Variants in B4GALNT2 observed in about 807,000 individuals in gnomAD.
The protein encoded by B4GALNT2 is beta-1,4-N-acetyl-galactosaminyltransferase 2 (SID blood group).
In B4GALNT2, 42 loss-of-function variants were observed where a neutral mutation model predicts 51.1. The observed-to-expected ratio is 0.82, with a 90% CI of 0.64 to 1.06. The LOEUF (loss-of-function observed/expected upper bound fraction) is 1.06, where lower values mean the gene tolerates loss of function less well. B4GALNT2 is among the 50% of genes least tolerant of loss of function. The pLI is 0.00. For missense variants in B4GALNT2, 602 were observed against 633.6 expected (o/e 0.95, Z 0.54); for synonymous variants, 253 against 251.7 (o/e 1.01, Z -0.05).
chr17:49,168,376 A>C (rs2042929387), intron 9 of B4GALNT2, among the ~76,000 whole-genome samples: 1 of 152,122 alleles, frequency 6.6e-6, no homozygotes, highest in African/African-American at 2.4e-5. Flanking sequence ...CTCCTCTCCC[A>C]GTGGAAGGGA....
chr17:49,132,956 C>G, intron 1 of B4GALNT2, 150 bp downstream of exon 1: 3 of 1,402,428 alleles, frequency 2.1e-6, no homozygotes, highest in Non-Finnish European at 1.9e-6. Context: ...TAAGTCCAAC[C>G]GGTTCCCCGC....
the B4GALNT2 span, among the ~76,000 whole-genome samples, chr17:49,121,047 CT>C: frequency 1.3e-5 from 2 of 152,136 alleles, no homozygotes; most frequent in Non-Finnish European, 2.9e-5. Context: ...GAGCTGACCC[CT>C]CATCTTTTTC....
Position 49,135,500 on chromosome 17 carries a change from C to T in B4GALNT2, c.14+2694C>T, listed in dbSNP as rs112783181. On this transcript the variant is annotated intron_variant, in intron 1 of 10. Transcript: ENST00000393354. ...GTCTTGATCTCCTGATCTCATGATC[C>T]ACCCGCCTCGGCCTCCCAAAGTGCT... Among the ~76,000 whole-genome samples the T allele has an allele frequency of 2.4e-3, 372 of 152,066 alleles. 7 individuals carry two copies. The highest frequency in any genetic ancestry group is 8.2e-3 in the African/African-American group (341 of 41,492).
At chr17:49,134,308 G>T (rs1244068294) in intron 1 of B4GALNT2, among the ~76,000 whole-genome samples, 3 of 152,240 alleles carry the variant, frequency 2.0e-5, no homozygotes, top group Non-Finnish European at 4.4e-5. Flanking sequence ...ATAGTGATAA[G>T]ATCAGGATAA....
At position 49,169,566 on chromosome 17, in the gene B4GALNT2, C is replaced by T. The variant is rs759140156; in HGVS notation, c.1359C>T (p.Cys453=). 6 of 1,612,512 alleles carry T rather than the reference C, an allele frequency of 3.7e-6. No homozygotes were observed. The highest frequency in any genetic ancestry group is 1.3e-5 in the African/African-American group (1 of 74,860). The part of the protein sequence containing the change: ...DGLGTLLVGS[C]PEVIIGHQSR... The stretch of plus-strand genomic sequence containing the variant: ...TAGGGACCCTACTCGTGGGGTCATG[C>T]CCAGAAGTGATTATAGGTCACCAGT... The change falls in exon 11 of 11, where the codon TGC becomes TGT. Residue 453 remains cysteine, a synonymous_variant. Transcript: ENST00000393354.
the B4GALNT2 span, among the ~76,000 whole-genome samples, chr17:49,120,464 TTGTG>T: frequency 2.1e-5 from 3 of 142,148 alleles, no homozygotes; most frequent in Non-Finnish European, 4.6e-5. Flanking sequence ...GAGGAGTCTT[TTGTG>T]TGTGTGTGTG....
chr17:49,147,222 C>T (rs2144295413), intron 3 of B4GALNT2, among the ~76,000 whole-genome samples: 1 of 152,262 alleles, frequency 6.6e-6, no homozygotes. Flanking sequence ...ATCTCTGACT[C>T]AGTTGAGGCT....
In B4GALNT2 at chr17:49,142,024, G is replaced by C. The variant is rs1401545451; in HGVS notation, c.216-11G>C. 4 of 1,613,924 alleles carry C rather than the reference G, an allele frequency of 2.5e-6. No homozygotes were observed. The highest frequency in any genetic ancestry group is 4.5e-5 in the East Asian group (2 of 44,880). On this transcript the variant is annotated splice_polypyrimidine_tract_variant and intron_variant, in intron 2 of 10. Coordinates refer to ENST00000393354, the MANE Select transcript of B4GALNT2 (RefSeq NM_001159387.2). ...CCCAATCCATGTTTACAGTCCTCTT[G>C]CTTGTTTCAGGCTGTTCCCGAAAAA... is the stretch of plus-strand genomic sequence containing the variant.
rs575974733 is a variant in B4GALNT2, at chr17:49,176,155, T to A, written c.*6427T>A. On this transcript the variant is annotated 3_prime_UTR_variant, in exon 11 of 11. Coordinates refer to ENST00000393354, the MANE Select transcript of B4GALNT2 (RefSeq NM_001159387.2). The stretch of plus-strand genomic sequence containing the variant: ...TAGTTCCACATTCTCCAACCATCAC[T>A]CCAGCGACCCTTCAACTGGGGTTCA... 3 of 152,308 alleles carry A rather than the reference T, an allele frequency of 2.0e-5. No homozygotes were observed. The highest frequency in any genetic ancestry group is 7.2e-5 in the African/African-American group (3 of 41,556). 9.4% of individuals were successfully genotyped at this position (152,308 alleles called of 1,614,324 possible).
At position 49,168,920 on chromosome 17, in the gene B4GALNT2, G is replaced by A; in HGVS notation, c.1315+20G>A. 6.2e-7 allele frequency: 1 copy of A among 1,605,562 alleles called. No individual in the cohort carries two copies. Among genetic ancestry groups the A allele is most frequent in the Non-Finnish European group, 8.5e-7 (1 of 1,175,864 alleles). ...ACTCAGGTGGGAAGGCTGAAAGAGT[G>A]AGGGAGGGAGCTGGGCTGGGAATTA... On this transcript the variant is annotated intron_variant, in intron 10 of 10. Coordinates refer to ENST00000393354, the MANE Select transcript of B4GALNT2 (RefSeq NM_001159387.2).
At chr17:49,124,946 A>C in the B4GALNT2 span, among the ~76,000 whole-genome samples, 2 of 152,222 alleles carry the variant, frequency 1.3e-5, no homozygotes, top group African/African-American at 4.8e-5. Flanking sequence ...TTAACCTTCC[A>C]AAAATTGCTT....
chr17:49,157,475 T>C (rs2144320920), intron 5 of B4GALNT2, among the ~76,000 whole-genome samples: 1 of 152,048 alleles, frequency 6.6e-6, no homozygotes, highest in South Asian at 2.1e-4. Context: ...CATGCACCAC[T>C]ACACCCAGCT....
intron 7 of B4GALNT2, among the ~76,000 whole-genome samples, chr17:49,160,996 C>T (rs1025179939): frequency 6.6e-6 from 1 of 152,206 alleles, no homozygotes; most frequent in Non-Finnish European, 1.5e-5. Flanking sequence ...CTTGTCTGGC[C>T]GGGCGCAGTG....
chr17:49,122,973 T>G, the B4GALNT2 span, among the ~76,000 whole-genome samples: 7 of 152,306 alleles, frequency 4.6e-5, no homozygotes, highest in African/African-American at 1.7e-4. Flanking sequence ...CAAAAAGTAT[T>G]TGGTGAAGTA....
At chr17:49,160,437 C>A in intron 6 of B4GALNT2, 118 bp from the exon 7 acceptor site, 1 of 947,172 alleles carries the variant, frequency 1.1e-6, no homozygotes, top group Non-Finnish European at 1.7e-6. Context: ...TGATCTCATC[C>A]CAACCAGGAC....
chr17:49,161,024 C>T (rs2042859240), intron 7 of B4GALNT2, among the ~76,000 whole-genome samples: 1 of 152,132 alleles, frequency 6.6e-6, no homozygotes, highest in South Asian at 2.1e-4. Flanking sequence ...CCTGTAATCT[C>T]AACACTTTGG....
At chr17:49,169,262 G>A (rs1174165581) in intron 10 of B4GALNT2, among the ~76,000 whole-genome samples, 1 of 152,096 alleles carries the variant, frequency 6.6e-6, no homozygotes, top group Non-Finnish European at 1.5e-5. Flanking sequence ...GGAGTCCGCA[G>A]TTCTGTCCAG....
chr17:49,122,053 G>A, the B4GALNT2 span, among the ~76,000 whole-genome samples: 27 of 152,272 alleles, frequency 1.8e-4, no homozygotes, highest in Admixed American at 1.8e-3. Context: ...TCTGTGTGTG[G>A]GGGAGAAATT....
At chr17:49,147,529 C>T (rs1162382693) in intron 3 of B4GALNT2, among the ~76,000 whole-genome samples, 3 of 151,968 alleles carry the variant, frequency 2.0e-5, no homozygotes, top group East Asian at 3.9e-4. Context: ...TGCATGCTAC[C>T]ATGCCTGGCT....
Sources: gnomAD v4.1 joint callset for allele counts (sites outside exome capture counted in the v4.1 genomes callset) on GRCh38, gnomAD v4.1.1 for gene constraint, MANE v1.5 for transcripts, NCBI Gene and HGNC (gene_info 2026-07-23, HGNC 2026-07-21) for gene names.